CFAP61: variants seen among roughly 807,000 people sequenced by gnomAD.
CFAP61 encodes cilia- and flagella-associated protein 61.
A neutral mutation model predicts 135.6 loss-of-function variants in CFAP61; 107 were observed. The ratio of observed to expected loss-of-function variants is 0.79; its 90% CI spans 0.67 to 0.93. The LOEUF is 0.93. Among genes scored for constraint, CFAP61 ranks in the 40% least tolerant of loss-of-function variants. The pLI is 0.00. For missense variants in CFAP61, 1,507 were observed against 1,556.2 expected, an observed-to-expected ratio of 0.97 and a Z score of 0.53; for synonymous variants, 575 against 578.5, an observed-to-expected ratio of 0.99 and a Z score of 0.09.
chr20:20,068,985 C>T (rs974166398), intron 2 of CFAP61, among the ~76,000 whole-genome samples: 10 of 152,168 alleles, frequency 6.6e-5, no homozygotes, highest in Admixed American at 2.0e-4. Flanking sequence ...CCTTGTGATC[C>T]GCCTGCCTTG....
chr20:20,204,547 G>C (rs1341532655), intron 17 of CFAP61, among the ~76,000 whole-genome samples: 3 of 152,050 alleles, frequency 2.0e-5, no homozygotes, highest in Non-Finnish European at 4.4e-5. Context: ...TGTTTCACTT[G>C]TGCATCTGCT....
At chr20:20,142,029 G>C (rs188126100) in intron 8 of CFAP61, among the ~76,000 whole-genome samples, 1 of 152,270 alleles carries the variant, frequency 6.6e-6, no homozygotes, top group Non-Finnish European at 1.5e-5. Flanking sequence ...CAGCAGAGCG[G>C]ACACCACTGG....
At chr20:20,104,444 TGTATTAAATC>T (rs2048239310) in intron 8 of CFAP61, among the ~76,000 whole-genome samples, 1 of 152,214 alleles carries the variant, frequency 6.6e-6, no homozygotes, top group Admixed American at 6.5e-5. Flanking sequence ...TTATTGATTG[TGTATTAAATC>T]ATCCCAGGTC....
chr20:20,071,705 A>G (rs572693189), intron 3 of CFAP61, among the ~76,000 whole-genome samples: 10 of 152,274 alleles, frequency 6.6e-5, no homozygotes, highest in Admixed American at 3.3e-4. Context: ...GGAATGCCCA[A>G]TGAGTGTGAG....
chr20:20,277,318 G>T lies in CFAP61; in HGVS notation c.2656G>T (p.Val886Leu), dbSNP rs78741533. 11,811 of 1,614,128 alleles carry T rather than the reference G, an allele frequency of 7.3e-3. 771 individuals carry two copies. The African/African-American group carries it at 0.14, about 19-fold the overall frequency. ...CAACAACTACTCGGTGGAGAGCGCC[G>T]TGGCGGACGCGCTAGGAGCCGCCGG... Reference protein sequence around the residue: ...CINNYSVESAVADALGAAGVT... With the variant: ...CINNYSVESALADALGAAGVT... The change falls in exon 22 of 27, where the codon GTG becomes TTG. Residue 886 changes from valine (V) to leucine (L), a missense_variant. Val to Leu is a conservative substitution (Grantham distance 32). Coordinates refer to ENST00000245957, the MANE Select transcript of CFAP61 (RefSeq NM_015585.4).
chr20:20,085,625 G>A (rs1238728588), intron 6 of CFAP61: 4 of 720,470 alleles, frequency 5.6e-6, no homozygotes, highest in Admixed American at 4.4e-5. Context: ...TATTCCTGAT[G>A]TTTATAGCTA....
intron 25 of CFAP61, among the ~76,000 whole-genome samples, chr20:20,306,790 T>C (rs1290583538): frequency 6.6e-6 from 1 of 152,218 alleles, no homozygotes; most frequent in African/African-American, 2.4e-5. Flanking sequence ...AAACTAGTGC[T>C]TTCATTATTT....
intron 8 of CFAP61, among the ~76,000 whole-genome samples, chr20:20,103,147 A>G (rs532238061): frequency 6.6e-6 from 1 of 152,098 alleles, no homozygotes; most frequent in Non-Finnish European, 1.5e-5. Context: ...TTCAGGATCT[A>G]TTTTTGGAGG....
intron 9 of CFAP61, among the ~76,000 whole-genome samples, chr20:20,149,202 A>G (rs1452083283): frequency 6.6e-6 from 1 of 152,228 alleles, no homozygotes; most frequent in Non-Finnish European, 1.5e-5. Flanking sequence ...ACAAGACTCA[A>G]TAAATTTAGG....
intron 2 of CFAP61, among the ~76,000 whole-genome samples, chr20:20,064,952 G>A (rs2045129044): frequency 6.6e-6 from 1 of 152,124 alleles, no homozygotes; most frequent in Non-Finnish European, 1.5e-5. Flanking sequence ...ATAATAATCA[G>A]GGCAGTGTGG....
In CFAP61 at chr20:20,360,355, AC is replaced by A; in HGVS notation, c.3661del (p.Leu1221CysfsTer49). ...CTGGTGGAGAGAAGCACTCTTGACT[AC>A]CTGCACTATAACCGCTACCACCTGC... ...KTLVERSTLD[Y>X]LHYNRYHLPM... On this transcript the variant is annotated frameshift_variant, in exon 27 of 27. Coordinates refer to ENST00000245957, the MANE Select transcript of CFAP61 (RefSeq NM_015585.4). LOFTEE classifies it high-confidence loss of function. 1 of 1,613,864 alleles carries A rather than the reference AC, an allele frequency of 6.2e-7. No individual in the cohort carries two copies. Among genetic ancestry groups the A allele is most frequent in the South Asian group, 1.1e-5 (1 of 91,076 alleles).
At chr20:20,158,267 C>A (rs1347424455) in intron 9 of CFAP61, among the ~76,000 whole-genome samples, 1 of 122,532 alleles carries the variant, frequency 8.2e-6, no homozygotes. Context: ...AAACAAATAT[C>A]AAATGAAAAA....
chr20:20,259,422 ATT>A (rs11480895), intron 20 of CFAP61, among the ~76,000 whole-genome samples: 1,852 of 135,556 alleles, frequency 0.014, 33 homozygotes, highest in African/African-American at 0.046. Flanking sequence ...AACCCAGCTA[ATT>A]TTTTTTTTTT....
Position 20,277,353 on chromosome 20 carries a change from G to T in CFAP61, c.2691G>T (p.Met897Ile). ...ADALGAAGVT[M>I]YRDAILAQWN... ...CGCTAGGAGCCGCCGGAGTCACTAT[G>T]TACCGGGATGCGATCCTGGCCCAGT... Residue 897 changes from methionine to isoleucine, a missense_variant, in exon 22 of 27, where the codon ATG becomes ATT. Met to Ile is a conservative substitution (Grantham distance 10). Coordinates refer to ENST00000245957, the MANE Select transcript of CFAP61 (RefSeq NM_015585.4). 1 of 1,614,182 alleles carries T rather than the reference G, an allele frequency of 6.2e-7. No individual in the cohort carries two copies. The highest frequency in any genetic ancestry group is 1.1e-5 in the South Asian group (1 of 91,078).
intron 15 of CFAP61, among the ~76,000 whole-genome samples, chr20:20,192,462 T>TG (rs1331783412): frequency 6.6e-6 from 1 of 152,116 alleles, no homozygotes; most frequent in African/African-American, 2.4e-5. Flanking sequence ...GGGTCAGTGA[T>TG]GTCAGGTGCC....
intron 26 of CFAP61, among the ~76,000 whole-genome samples, chr20:20,346,259 G>A (rs1364327145): frequency 5.5e-5 from 8 of 146,572 alleles, no homozygotes; most frequent in African/African-American, 2.0e-4. Flanking sequence ...GCTTATGCCT[G>A]TAATCCCAGC....
chr20:20,295,436 A>G (rs1477703017), intron 24 of CFAP61, among the ~76,000 whole-genome samples: 1 of 152,120 alleles, frequency 6.6e-6, no homozygotes, highest in Non-Finnish European at 1.5e-5. Flanking sequence ...CCTCTCCCAG[A>G]CAGCAGCCTT....
intron 12 of CFAP61, among the ~76,000 whole-genome samples, chr20:20,168,133 A>G (rs1412008541): frequency 6.6e-6 from 1 of 152,146 alleles, no homozygotes; most frequent in Non-Finnish European, 1.5e-5. Flanking sequence ...ATGCAATGTC[A>G]CAATCATAGC....
chr20:20,102,706 T>C (rs1446053153), intron 8 of CFAP61, among the ~76,000 whole-genome samples: 1 of 152,108 alleles, frequency 6.6e-6, no homozygotes, highest in Non-Finnish European at 1.5e-5. Flanking sequence ...ACACATTTTA[T>C]TAGTTGCCTT....
Sources: gnomAD v4.1 joint callset for allele counts (sites outside exome capture counted in the v4.1 genomes callset) on GRCh38, gnomAD v4.1.1 for gene constraint, MANE v1.5 for transcripts, NCBI Gene and HGNC (gene_info 2026-07-23, HGNC 2026-07-21) for gene names.